Variants in CACNA2D3 observed in about 807,000 individuals in gnomAD.
CACNA2D3 encodes the protein voltage-dependent calcium channel subunit alpha-2/delta-3.
CACNA2D3 carries 60 observed loss-of-function variants against 160.6 expected under a neutral mutation model. The observed-to-expected ratio is 0.37, with a 90% CI of 0.30 to 0.46. CACNA2D3 has a LOEUF of 0.46. CACNA2D3 is among the 20% of genes least tolerant of loss of function. The pLI is 1.00. For synonymous variants in CACNA2D3, 558 were observed against 492.9 expected (o/e 1.13, Z -1.75); for missense variants, 1,205 against 1,365.0 (o/e 0.88, Z 1.85).
chr3:54,616,360 A>G lies in CACNA2D3; in HGVS notation c.964-11427A>G, dbSNP rs566605056. Among the ~76,000 whole-genome samples the G allele has an allele frequency of 9.2e-5, 14 of 152,306 alleles. No homozygotes were observed. In the South Asian group the frequency reaches 1.2e-3, roughly 14 times the overall value. ...GTTGGAAGCTTCAGTTTCTTACTCC[A>G]TGGCATCTCCCCAGGGCTGCTTCCA... On this transcript the variant is annotated intron_variant, in intron 9 of 37. Coordinates refer to ENST00000474759, the MANE Select transcript of CACNA2D3 (RefSeq NM_018398.3).
chr3:54,538,093 A>G (rs752222013), intron 5 of CACNA2D3, among the ~76,000 whole-genome samples: 23 of 152,094 alleles, frequency 1.5e-4, no homozygotes, highest in Non-Finnish European at 2.5e-4. Flanking sequence ...GGGCTCTGGT[A>G]TCAAACCTGC....
At chr3:54,752,569 C>T (rs367787308) in intron 11 of CACNA2D3, 30 bp from the exon 12 acceptor site, 30 of 1,566,104 alleles carry the variant, frequency 1.9e-5, no homozygotes, top group South Asian at 9.0e-5. Context: ...AAGTGAATGC[C>T]GCTCAGCCAT....
chr3:55,073,999 A>G, intron 37 of CACNA2D3, 115 bp from the exon 38 acceptor site: 1 of 1,097,954 alleles, frequency 9.1e-7, no homozygotes, highest in Non-Finnish European at 1.4e-6. Flanking sequence ...CTGCACCATC[A>G]TCTAGGTCCC....
At chr3:54,833,348 AT>A (rs1703918599) in intron 14 of CACNA2D3, among the ~76,000 whole-genome samples, 3 of 152,114 alleles carry the variant, frequency 2.0e-5, no homozygotes, top group Non-Finnish European at 4.4e-5. Context: ...AGTTAATGGG[AT>A]TTTGCCCAGA....
intron 27 of CACNA2D3, among the ~76,000 whole-genome samples, chr3:54,939,379 T>C (rs1701406556): frequency 6.6e-6 from 1 of 152,232 alleles, no homozygotes; most frequent in African/African-American, 2.4e-5. Flanking sequence ...CTTCAAAGCC[T>C]TTGAACTACT....
At chr3:54,296,786 GAGA>G (rs1456323182) in intron 2 of CACNA2D3, among the ~76,000 whole-genome samples, 2 of 152,150 alleles carry the variant, frequency 1.3e-5, no homozygotes, top group Admixed American at 6.5e-5. Flanking sequence ...AGCCAACTGA[GAGA>G]AGGAGACAAA....
At position 54,122,723 on chromosome 3, in the gene CACNA2D3, C is replaced by G; in HGVS notation, c.10C>G (p.Pro4Ala). The stretch of plus-strand genomic sequence containing the variant: ...TCGGAGGGAGCCCAGCATGGCCGGG[C>G]CGGGCTCGCCGCGCCGCGCGTCCCG... MAG[P>A]GSPRRASRGA... is the part of the protein sequence containing the mutation. The change falls in exon 1 of 38, where the codon CCG becomes GCG. Residue 4 changes from proline to alanine, a missense_variant. This residue lies in a region of CACNA2D3 where 163 missense variants were observed against 161.3 expected (regional missense o/e 1.01). Transcript: ENST00000474759. 8.3e-7 allele frequency: 1 copy of G among 1,200,008 alleles called. No individual in the cohort carries two copies. 74.3% of individuals were successfully genotyped at this position (1,200,008 alleles called of 1,614,324 possible).
At chr3:54,260,281 A>C (rs1702379954) in intron 2 of CACNA2D3, among the ~76,000 whole-genome samples, 1 of 152,158 alleles carries the variant, frequency 6.6e-6, no homozygotes, top group Admixed American at 6.5e-5. Context: ...TCTCTGTCTT[A>C]ATCTATTTTC....
intron 29 of CACNA2D3, among the ~76,000 whole-genome samples, chr3:54,982,795 A>C (rs1450140001): frequency 1.3e-5 from 2 of 151,726 alleles, no homozygotes; most frequent in Non-Finnish European, 2.9e-5. Flanking sequence ...TAACTTCTTG[A>C]CATTGCCGTG....
At chr3:54,957,204 G>T (rs1701920666) in intron 27 of CACNA2D3, among the ~76,000 whole-genome samples, 2 of 151,794 alleles carry the variant, frequency 1.3e-5, no homozygotes, top group Admixed American at 6.6e-5. Flanking sequence ...CTGTCCCCCA[G>T]GCTGGAGTTC....
chr3:54,328,571 C>T (rs1704171167), intron 3 of CACNA2D3, among the ~76,000 whole-genome samples: 1 of 152,178 alleles, frequency 6.6e-6, no homozygotes, highest in African/African-American at 2.4e-5. Context: ...CATGAGCCAC[C>T]ACGCCTGGCC....
At chr3:54,124,286 A>G (rs1392582076) in intron 2 of CACNA2D3, among the ~76,000 whole-genome samples, 5 of 152,204 alleles carry the variant, frequency 3.3e-5, no homozygotes, top group African/African-American at 1.2e-4. Flanking sequence ...TTTAATTCAA[A>G]TAGGCAGCAT....
chr3:54,468,446 G>C (rs1283855319), intron 4 of CACNA2D3, among the ~76,000 whole-genome samples: 1 of 152,222 alleles, frequency 6.6e-6, no homozygotes, highest in Non-Finnish European at 1.5e-5. Flanking sequence ...CAGACCAGGA[G>C]ATTCCCTCGG....
chr3:54,808,509 G>C (rs1306763578), intron 13 of CACNA2D3, among the ~76,000 whole-genome samples: 1 of 152,132 alleles, frequency 6.6e-6, no homozygotes, highest in Non-Finnish European at 1.5e-5. Context: ...GTCTCGATTA[G>C]ACTAGATTAG....
intron 35 of CACNA2D3, among the ~76,000 whole-genome samples, chr3:55,040,686 A>G (rs548259708): frequency 6.6e-6 from 1 of 152,184 alleles, no homozygotes; most frequent in Non-Finnish European, 1.5e-5. Context: ...CCTCATCTCT[A>G]ATAATAAAAA....
intron 2 of CACNA2D3, among the ~76,000 whole-genome samples, chr3:54,254,553 C>T (rs140415824): frequency 1.3e-5 from 2 of 152,118 alleles, no homozygotes; most frequent in Admixed American, 1.3e-4. Flanking sequence ...AATTACCTAA[C>T]CTTTCTGAGC....
At chr3:54,809,213 C>T (rs923440847) in intron 13 of CACNA2D3, among the ~76,000 whole-genome samples, 1 of 151,110 alleles carries the variant, frequency 6.6e-6, no homozygotes, top group Non-Finnish European at 1.5e-5. Flanking sequence ...CCTTCCTTTC[C>T]TTCTGCTCTC....
Position 54,478,561 on chromosome 3 carries a change from G to A in CACNA2D3, c.382-24931G>A, listed in dbSNP as rs1198844508. Among the ~76,000 whole-genome samples, 3 of 147,418 alleles carry A rather than the reference G, an allele frequency of 2.0e-5. No individual in the cohort carries two copies. The South Asian group carries it at 6.5e-4, about 32-fold the overall frequency. On this transcript the variant is annotated intron_variant, in intron 4 of 37. Coordinates refer to ENST00000474759, the MANE Select transcript of CACNA2D3 (RefSeq NM_018398.3). ...GCAGGAGAATGGTGTGAACCTGGGA[G>A]GCGGAGCTTGCAGTGAGCCAAGATT...
intron 2 of CACNA2D3, among the ~76,000 whole-genome samples, chr3:54,174,472 T>C (rs1700627091): frequency 6.6e-6 from 1 of 152,184 alleles, no homozygotes; most frequent in Non-Finnish European, 1.5e-5. Context: ...TTCTTAATTG[T>C]GGATGAGGTG....
Sources: gnomAD v4.1 joint callset for allele counts (sites outside exome capture counted in the v4.1 genomes callset) on GRCh38, gnomAD v4.1.1 for gene constraint, gnomAD v4.1.1 regional missense constraint, MANE v1.5 for transcripts, NCBI Gene and HGNC (gene_info 2026-07-23, HGNC 2026-07-21) for gene names.